RGS7: variants seen among roughly 807,000 people sequenced by gnomAD.
RGS7 encodes regulator of G-protein signaling 7.
RGS7 carries 27 observed loss-of-function variants against 81.1 expected under a neutral mutation model. The observed-to-expected ratio is 0.33, with a 90% CI of 0.25 to 0.46. RGS7 has a LOEUF of 0.46. RGS7 is among the 20% of genes least tolerant of loss of function. The probability of loss-of-function intolerance (pLI) is 1.00; values close to 1 mark genes in which losing one functional copy is unlikely to be tolerated. For missense variants in RGS7, 396 were observed against 607.4 expected, an observed-to-expected ratio of 0.65 and a Z score of 3.66; for synonymous variants, 208 against 207.7, an observed-to-expected ratio of 1.00 and a Z score of -0.01.
At chr1:241,071,464 A>G (rs2062436596) in intron 3 of RGS7, among the ~76,000 whole-genome samples, 1 of 150,968 alleles carries the variant, frequency 6.6e-6, no homozygotes, top group Non-Finnish European at 1.5e-5. Context: ...ATAATTACAA[A>G]TAAGTAAAAA....
At chr1:241,109,898 C>T (rs1348447348) in intron 2 of RGS7, among the ~76,000 whole-genome samples, 2 of 151,972 alleles carry the variant, frequency 1.3e-5, no homozygotes. Flanking sequence ...GCAGAGGTTG[C>T]AGTGAGCCGA....
intron 18 of RGS7, among the ~76,000 whole-genome samples, chr1:240,791,740 T>C (rs1539373): frequency 0.69 from 104,706 of 152,028 alleles, 36,332 homozygotes; most frequent in African/African-American, 0.73. Context: ...AATTAACATA[T>C]GACTCCACTT....
chr1:241,180,247 T>C (rs1271947439), intron 2 of RGS7, among the ~76,000 whole-genome samples: 5 of 151,990 alleles, frequency 3.3e-5, no homozygotes, highest in African/African-American at 9.7e-5. Context: ...TGGTGGCGGG[T>C]GCCTGTAGTC....
intron 2 of RGS7, among the ~76,000 whole-genome samples, chr1:241,351,643 GA>G (rs1397039665): frequency 6.6e-6 from 1 of 151,846 alleles, no homozygotes; most frequent in East Asian, 1.9e-4. Context: ...GGTTTGAAAA[GA>G]AAAAATAAAA....
chr1:241,199,264 A>G (rs1415630889), intron 2 of RGS7, among the ~76,000 whole-genome samples: 1 of 152,020 alleles, frequency 6.6e-6, no homozygotes, highest in Non-Finnish European at 1.5e-5. Context: ...AGACCATCCC[A>G]GCCAACATGG....
At chr1:241,327,321 C>A (rs1423190119) in intron 2 of RGS7, among the ~76,000 whole-genome samples, 2 of 151,858 alleles carry the variant, frequency 1.3e-5, no homozygotes, top group East Asian at 3.9e-4. Flanking sequence ...AAATATAGCA[C>A]CTGAAATAAA....
In RGS7 at chr1:241,291,735, C is replaced by T. The variant is rs376932187; in HGVS notation, c.78+63964G>A. Among the ~76,000 whole-genome samples, 26 of 151,974 alleles carry T rather than the reference C, an allele frequency of 1.7e-4. No homozygotes were observed. The East Asian group carries it at 4.9e-3, about 28-fold the overall frequency. ...CTGAGACTACAGGTGCCTGCCACCA[C>T]GCCCGGCTTTTTGTATTTTTTGTAG... On this transcript the variant is annotated intron_variant, in intron 2 of 18. Coordinates refer to ENST00000440928, the MANE Select transcript of RGS7 (RefSeq NM_001364886.1).
chr1:241,350,154 T>C (rs1361667342), intron 2 of RGS7, among the ~76,000 whole-genome samples: 1 of 152,142 alleles, frequency 6.6e-6, no homozygotes, highest in Admixed American at 6.5e-5. Context: ...TGCTCTAAAC[T>C]CAATTATTAT....
At chr1:241,130,352 A>AC in intron 2 of RGS7, among the ~76,000 whole-genome samples, 1 of 152,190 alleles carries the variant, frequency 6.6e-6, no homozygotes, top group East Asian at 1.9e-4. Flanking sequence ...ATTAAAAAAA[A>AC]AAAACACTAG....
intron 3 of RGS7, among the ~76,000 whole-genome samples, chr1:241,064,183 CAAAAAAAAAAAA>C (rs140883852): frequency 1.3e-5 from 1 of 78,174 alleles, no homozygotes; most frequent in Non-Finnish European, 2.5e-5. Context: ...AACTCAGTTT[CAAAAAAAAAAAA>C]AAAAAAAAAA....
intron 3 of RGS7, among the ~76,000 whole-genome samples, chr1:241,045,549 A>G (rs2060879404): frequency 6.6e-6 from 1 of 152,012 alleles, no homozygotes; most frequent in African/African-American, 2.4e-5. Flanking sequence ...TTTTTAGTGG[A>G]GACAGGGTTT....
At chr1:240,924,341 C>CT (rs1674070345) in intron 6 of RGS7, among the ~76,000 whole-genome samples, 1 of 152,136 alleles carries the variant, frequency 6.6e-6, no homozygotes, top group South Asian at 2.1e-4. Flanking sequence ...TTTGGGAGCA[C>CT]TAGCTACAGT....
At chr1:241,307,024 T>C (rs2080217417) in intron 2 of RGS7, among the ~76,000 whole-genome samples, 1 of 152,256 alleles carries the variant, frequency 6.6e-6, no homozygotes, top group Non-Finnish European at 1.5e-5. Flanking sequence ...CAGTATTTGT[T>C]CACCTGTTGA....
intron 3 of RGS7, among the ~76,000 whole-genome samples, chr1:241,040,691 T>C (rs2060570874): frequency 6.6e-6 from 1 of 152,128 alleles, no homozygotes; most frequent in Non-Finnish European, 1.5e-5. Flanking sequence ...GGTTTTACCA[T>C]CTTGGCCGTG....
intron 3 of RGS7, among the ~76,000 whole-genome samples, chr1:241,042,721 C>T (rs2060690669): frequency 1.3e-5 from 2 of 152,088 alleles, no homozygotes; most frequent in Non-Finnish European, 2.9e-5. Context: ...AGGCAGATCA[C>T]CTGTGGTCAG....
chr1:241,346,389 A>G (rs949037857), intron 2 of RGS7, among the ~76,000 whole-genome samples: 1 of 15,236 alleles, frequency 6.6e-5, no homozygotes, highest in African/African-American at 7.3e-5. Context: ...TGCCCCATAC[A>G]CAGCCAAGGC....
At chr1:240,957,435 T>C (rs550160974) in intron 4 of RGS7, among the ~76,000 whole-genome samples, 1 of 152,296 alleles carries the variant, frequency 6.6e-6, no homozygotes, top group Admixed American at 6.5e-5. Flanking sequence ...AGATGGCCTA[T>C]CATGGGACTT....
intron 2 of RGS7, among the ~76,000 whole-genome samples, chr1:241,354,234 C>T (rs1350300906): frequency 2.0e-5 from 3 of 152,080 alleles, no homozygotes; most frequent in African/African-American, 4.8e-5. Flanking sequence ...ACCGAACTCC[C>T]CCCAAAATAT....
intron 6 of RGS7, among the ~76,000 whole-genome samples, chr1:240,910,706 C>G (rs1362520204): frequency 6.6e-6 from 1 of 152,036 alleles, no homozygotes; most frequent in African/African-American, 2.4e-5. Flanking sequence ...TAAATACATA[C>G]AACTATTATG....
Sources: allele counts gnomAD v4.1 joint callset (sites outside exome capture counted in the v4.1 genomes callset), GRCh38; gene constraint gnomAD v4.1.1; transcripts MANE v1.5; gene names NCBI Gene and HGNC (gene_info 2026-07-23, HGNC 2026-07-21).